The following PRIM2 variants were observed in gnomAD, a reference collection of about 807,000 sequenced individuals.
PRIM2 encodes DNA primase subunit 2.
In PRIM2, 39 loss-of-function variants were observed where a neutral mutation model predicts 67.3. The observed-to-expected ratio is 0.58, with a 90% CI of 0.45 to 0.76. The LOEUF (loss-of-function observed/expected upper bound fraction) is 0.76. Among genes scored for constraint, PRIM2 ranks in the 30% least tolerant of loss-of-function variants. The pLI is 0.00. For synonymous variants in PRIM2, 143 were observed against 198.7 expected (o/e 0.72, Z 2.36); for missense variants, 398 against 598.7 (o/e 0.66, Z 3.50).
At chr6:57,517,544 TA>T (rs1383925229) in intron 8 of PRIM2, among the ~76,000 whole-genome samples, 2 of 152,194 alleles carry the variant, frequency 1.3e-5, no homozygotes, top group African/African-American at 4.8e-5. Context: ...TTTAATTAAT[TA>T]AAATTTTAAT....
chr6:57,351,179 G>C (rs1768846148), intron 5 of PRIM2, among the ~76,000 whole-genome samples: 1 of 151,710 alleles, frequency 6.6e-6, no homozygotes, highest in Non-Finnish European at 1.5e-5. Flanking sequence ...ATGTGTTTTG[G>C]ATTTCTATTT....
chr6:57,430,584 G>A (rs1771792245), intron 7 of PRIM2, among the ~76,000 whole-genome samples: 1 of 150,834 alleles, frequency 6.6e-6, no homozygotes, highest in Non-Finnish European at 1.5e-5. Context: ...CTCCCGAGTA[G>A]CTGGGACTAC....
At chr6:57,337,502 C>T (rs1768298076) in intron 5 of PRIM2, among the ~76,000 whole-genome samples, 1 of 151,696 alleles carries the variant, frequency 6.6e-6, no homozygotes, top group Non-Finnish European at 1.5e-5. Context: ...GAAATTATAA[C>T]AAACTATCTC....
At chr6:57,264,249 G>A in the PRIM2 span, among the ~76,000 whole-genome samples, 1 of 152,072 alleles carries the variant, frequency 6.6e-6, no homozygotes, top group East Asian at 1.9e-4. Context: ...AGTGTTTTCT[G>A]CAGTGTTGGG....
At chr6:57,294,956 G>A in the PRIM2 span, among the ~76,000 whole-genome samples, 3 of 152,084 alleles carry the variant, frequency 2.0e-5, no homozygotes, top group East Asian at 1.9e-4. Context: ...GACTACAGGC[G>A]TGCTGCCATG....
At chr6:57,272,771 T>C in the PRIM2 span, among the ~76,000 whole-genome samples, 3 of 152,210 alleles carry the variant, frequency 2.0e-5, no homozygotes, top group Non-Finnish European at 4.4e-5. Context: ...GTACCGGTTG[T>C]TCCTTTCCAT....
At chr6:57,600,622 C>T (rs1197129993) in intron 10 of PRIM2, among the ~76,000 whole-genome samples, 1 of 152,036 alleles carries the variant, frequency 6.6e-6, no homozygotes, top group Non-Finnish European at 1.5e-5. Flanking sequence ...TCCTGAAGTG[C>T]TGGGATTACA....
intron 10 of PRIM2, among the ~76,000 whole-genome samples, chr6:57,579,994 A>G (rs1776051714): frequency 6.6e-6 from 1 of 152,158 alleles, no homozygotes; most frequent in Non-Finnish European, 1.5e-5. Context: ...AAATATATCA[A>G]TATATAAAAA....
At chr6:57,483,862 G>T (rs1424835308) in intron 7 of PRIM2, among the ~76,000 whole-genome samples, 1 of 152,136 alleles carries the variant, frequency 6.6e-6, no homozygotes, top group African/African-American at 2.4e-5. Flanking sequence ...TGAAATGTAA[G>T]GTTACATAAC....
At position 57,350,607 on chromosome 6, in the gene PRIM2, A is replaced by T. The variant is rs555474986; in HGVS notation, c.459+24562A>T. The stretch of plus-strand genomic sequence containing the variant: ...TTCCCTTGCTTCTTTGAGAAGGCTA[A>T]GTGCTGCTAGAGCTCTGTTCTGAGG... On this transcript the variant is annotated intron_variant, in intron 5 of 13. Transcript: ENST00000615550. Among the ~76,000 whole-genome samples the T allele has an allele frequency of 1.3e-3, 199 of 152,266 alleles. 5 individuals are homozygous for T. The East Asian group carries it at 0.016, about 13-fold the overall frequency.
At chr6:57,320,607 T>A in intron 3 of PRIM2, 47 bp downstream of exon 3, 1 of 1,145,528 alleles carries the variant, frequency 8.7e-7, no homozygotes, top group East Asian at 2.5e-5. Flanking sequence ...TATGCATTTA[T>A]GTATTGAGTG....
At chr6:57,292,606 G>C in the PRIM2 span, among the ~76,000 whole-genome samples, 1 of 152,146 alleles carries the variant, frequency 6.6e-6, no homozygotes, top group East Asian at 1.9e-4. Flanking sequence ...AAACTAGAAG[G>C]CTACAGTAAC....
the PRIM2 span, among the ~76,000 whole-genome samples, chr6:57,288,947 A>G: frequency 6.6e-6 from 1 of 152,188 alleles, no homozygotes; most frequent in African/African-American, 2.4e-5. Context: ...CTGGATGGAG[A>G]ACGAGTTTGA....
intron 7 of PRIM2, among the ~76,000 whole-genome samples, chr6:57,478,963 A>G (rs1414213499): frequency 6.6e-6 from 1 of 152,220 alleles, no homozygotes; most frequent in Non-Finnish European, 1.5e-5. Context: ...CCTGACCAAC[A>G]TGGAGAAACC....
chr6:57,310,885 A>T (rs903474040), upstream of PRIM2, among the ~76,000 whole-genome samples: 3 of 143,042 alleles, frequency 2.1e-5, no homozygotes, highest in African/African-American at 8.0e-5. Context: ...GGCGCTCCTC[A>T]CTTCCCAGAC....
the PRIM2 span, among the ~76,000 whole-genome samples, chr6:57,235,232 G>C: frequency 6.6e-6 from 1 of 152,122 alleles, no homozygotes; most frequent in South Asian, 2.1e-4. Flanking sequence ...GGAGGCCAAG[G>C]CAAGCAGATC....
At chr6:57,323,694 A>G (rs1319099443) in intron 3 of PRIM2, among the ~76,000 whole-genome samples, 1 of 152,014 alleles carries the variant, frequency 6.6e-6, no homozygotes, top group Non-Finnish European at 1.5e-5. Context: ...TAAAACCTAG[A>G]TGACGGGCAG....
the PRIM2 span, among the ~76,000 whole-genome samples, chr6:57,277,977 C>A: frequency 1.4e-5 from 2 of 145,894 alleles, no homozygotes; most frequent in African/African-American, 5.1e-5. Flanking sequence ...GAGCGAGATT[C>A]TATCTCAGAA....
At chr6:57,364,820 A>G (rs1421425695) in intron 5 of PRIM2, among the ~76,000 whole-genome samples, 6 of 152,116 alleles carry the variant, frequency 3.9e-5, no homozygotes, top group African/African-American at 1.2e-4. Flanking sequence ...TTGCCTCAAA[A>G]TTTGGCCAAC....
Sources: allele counts gnomAD v4.1 joint callset (sites outside exome capture counted in the v4.1 genomes callset), GRCh38; gene constraint gnomAD v4.1.1; transcripts MANE v1.5; gene names NCBI Gene and HGNC (gene_info 2026-07-23, HGNC 2026-07-21).